Variants in RNF157 observed in about 807,000 individuals in gnomAD.
RNF157 encodes ring finger protein 157.
Under a neutral mutation model 88.3 loss-of-function variants are expected in RNF157, and 55 were observed. The observed-to-expected ratio is 0.62, with a 90% CI of 0.50 to 0.78. The LOEUF is 0.78. RNF157 is among the 30% of genes least tolerant of loss of function. RNF157 has a pLI of 0.00. For missense variants in RNF157, 788 were observed against 860.8 expected (o/e 0.92, Z 1.06); for synonymous variants, 334 against 341.2 (o/e 0.98, Z 0.23).
In RNF157 at chr17:76,161,396, C is replaced by A; in HGVS notation, c.1065+139G>T. On this transcript the variant is annotated intron_variant, in intron 11 of 18. Transcript: ENST00000269391. The surrounding 1 kb of genome is among the most constrained non-coding windows in gnomAD (Gnocchi z 4.6). The stretch of plus-strand genomic sequence containing the variant: ...AGTAATAAGTTGGTTTTAACGCATG[C>A]TCTCAGCCGGCTTGCTAAATACTGC... 1 of 700,818 alleles carries A rather than the reference C, an allele frequency of 1.4e-6. No homozygotes were observed. The highest frequency in any genetic ancestry group is 2.5e-6 in the Non-Finnish European group (1 of 401,824). 43.4% of individuals were successfully genotyped at this position (700,818 alleles called of 1,614,324 possible). A position where few individuals can be genotyped will look rare whatever the true frequency, so the allele number is the denominator to read the frequency against.
chr17:76,155,577 G>T lies in RNF157; in HGVS notation c.1683C>A (p.Pro561=). Residue 561 remains proline, a synonymous_variant, in exon 15 of 19, where the codon CCC becomes CCA. Transcript: ENST00000269391. ...CTTCCCTTACCTCTCCTTCTTCTGA[G>T]GGGGCCCTGCTGGCAGGCTGGGGGG... The part of the protein sequence containing the change: ...LSSPQPASRA[P]SEEGEGLPAE... The T allele has an allele frequency of 6.2e-7, 1 of 1,612,520 alleles. No individual in the cohort carries two copies. The highest frequency in any genetic ancestry group is 8.5e-7 in the Non-Finnish European group (1 of 1,179,560).
In RNF157 at chr17:76,225,780, T is replaced by C. The variant is rs373012762; in HGVS notation, c.89-13298A>G. 39 of 1,547,586 alleles carry C rather than the reference T, an allele frequency of 2.5e-5. No individual in the cohort carries two copies. The East Asian group carries it at 5.4e-4, about 21-fold the overall frequency. On this transcript the variant is annotated intron_variant, in intron 1 of 18. Transcript: ENST00000269391. ...GGGACCCTTTTCTTCCCCCTTGCCT[T>C]GCGGACCTCTTCTATCAAATCTTTC...
At chr17:76,164,109 C>T (rs1331595251) in intron 8 of RNF157, 1 of 152,218 alleles carries the variant, frequency 6.6e-6, no homozygotes, top group Non-Finnish European at 1.5e-5. Context: ...ATGACCTGCC[C>T]CTCACCCACC....
chr17:76,146,933 G>A lies in RNF157; in HGVS notation c.1922-1580C>T, dbSNP rs1242004465. 3.0e-6 allele frequency: 3 copies of A among 985,320 alleles called. No individual in the cohort carries two copies. In the African/African-American group the frequency reaches 5.2e-5, roughly 17 times the overall value. 61.0% of individuals were successfully genotyped at this position (985,320 alleles called of 1,614,324 possible). ...CCTTTAATGGCATGTAGAGTCAACA[G>A]GTATAAATGGCTTATTTCCATCAAT... On this transcript the variant is annotated intron_variant, in intron 18 of 18. Coordinates refer to ENST00000269391, the MANE Select transcript of RNF157 (RefSeq NM_052916.3). The surrounding 1 kb of genome is among the most constrained non-coding windows in gnomAD (Gnocchi z 4.2).
intron 11 of RNF157, 107 bp from the exon 12 acceptor site, chr17:76,159,680 G>C: frequency 2.5e-6 from 2 of 805,398 alleles, no homozygotes; most frequent in East Asian, 2.6e-5. Context: ...TCTGTTCTTG[G>C]GGGGGTCTGG....
At chr17:76,150,098 T>C (rs753931614) in intron 18 of RNF157, among the ~76,000 whole-genome samples, 2 of 152,102 alleles carry the variant, frequency 1.3e-5, no homozygotes, top group Non-Finnish European at 2.9e-5. Flanking sequence ...ACAGAAGCGT[T>C]CCCATTTTTA....
chr17:76,156,572 C>T (rs1040462227), intron 13 of RNF157: 2 of 974,414 alleles, frequency 2.1e-6, no homozygotes, highest in South Asian at 4.7e-5. Context: ...TCTGCTGCGG[C>T]CATACAAAGA....
chr17:76,155,464 G>A, intron 15 of RNF157, 98 bp downstream of exon 15: 1 of 1,497,368 alleles, frequency 6.7e-7, no homozygotes, highest in Non-Finnish European at 9.2e-7. Flanking sequence ...GGCATTTTGG[G>A]GGCTTTGCAG....
At chr17:76,183,156 C>T (rs1049253528) in intron 2 of RNF157, among the ~76,000 whole-genome samples, 7 of 149,998 alleles carry the variant, frequency 4.7e-5, no homozygotes, top group African/African-American at 1.2e-4. Context: ...AGGCTGGTCT[C>T]GAACTCCTGA....
chr17:76,171,761 C>T (rs2069018038), intron 3 of RNF157, among the ~76,000 whole-genome samples: 1 of 152,244 alleles, frequency 6.6e-6, no homozygotes, highest in African/African-American at 2.4e-5. Flanking sequence ...AGCTCAGACA[C>T]TCATTCAAGC....
Position 76,155,584 on chromosome 17 carries a change from C to T in RNF157, c.1676G>A (p.Arg559Lys), listed in dbSNP as rs1453509293. 3.1e-6 allele frequency: 5 copies of T among 1,612,630 alleles called. No individual in the cohort carries two copies. The highest frequency in any genetic ancestry group is 1.7e-5 in the Admixed American group (1 of 59,402). ...EALSSPQPASRAPSEEGEGLP... is the reference protein window; with the variant it reads ...EALSSPQPASKAPSEEGEGLP... Reference sequence around the variant, plus strand: ...TACCTCTCCTTCTTCTGAGGGGGCCCTGCTGGCAGGCTGGGGGGAAGAGAG... The same window carrying T: ...TACCTCTCCTTCTTCTGAGGGGGCCTTGCTGGCAGGCTGGGGGGAAGAGAG... Residue 559 changes from arginine to lysine, a missense_variant, in exon 15 of 19, where the codon AGG (arginine) becomes AAG (lysine). Physicochemically the swap from Arg to Lys is conservative, Grantham distance 26. Transcript: ENST00000269391.
intron 2 of RNF157, among the ~76,000 whole-genome samples, chr17:76,194,246 C>T (rs2069435737): frequency 6.6e-6 from 1 of 152,166 alleles, no homozygotes; most frequent in African/African-American, 2.4e-5. Flanking sequence ...CACCCCAGTC[C>T]CTGGCAACCA....
At chr17:76,152,821 G>T (rs2068701686) in intron 17 of RNF157, among the ~76,000 whole-genome samples, 1 of 152,240 alleles carries the variant, frequency 6.6e-6, no homozygotes, top group Admixed American at 6.5e-5. Flanking sequence ...GCTAGGGAGC[G>T]CCAGTGGGGA....
rs2068590919 is a variant in RNF157 at position 76,146,713 on chromosome 17, C to T, written c.1922-1360G>A. On this transcript the variant is annotated intron_variant, in intron 18 of 18. Coordinates refer to ENST00000269391, the MANE Select transcript of RNF157 (RefSeq NM_052916.3). The surrounding 1 kb of genome is among the most constrained non-coding windows in gnomAD (Gnocchi z 4.2). ...AAACCGCTAGGTCCTGGAGCTCCTC[C>T]ATGGGACAAAGCTCCTCCTGGGCAG... 1.0e-6 allele frequency: 1 copy of T among 985,488 alleles called. No homozygotes were observed. The allele number at this position is 985,488 out of a possible 1,614,324, so 61.0% of individuals were successfully genotyped here.
intron 2 of RNF157, among the ~76,000 whole-genome samples, chr17:76,183,719 G>A (rs1165648402): frequency 6.6e-6 from 1 of 151,498 alleles, no homozygotes; most frequent in African/African-American, 2.4e-5. Flanking sequence ...CTGTAAGGAA[G>A]AGCTGTCCTT....
At chr17:76,197,539 A>G (rs2069498050) in intron 2 of RNF157, among the ~76,000 whole-genome samples, 2 of 152,190 alleles carry the variant, frequency 1.3e-5, no homozygotes, top group African/African-American at 4.8e-5. Context: ...CAGCTATGAT[A>G]GTCAGTAAGC....
chr17:76,225,486 AG>A (rs764688768), intron 1 of RNF157, among the ~76,000 whole-genome samples: 5 of 152,176 alleles, frequency 3.3e-5, no homozygotes, highest in Non-Finnish European at 7.3e-5. Context: ...AAATATGTCC[AG>A]GTCTTCCTGT....
chr17:76,196,638 C>T (rs1003635320), intron 2 of RNF157, among the ~76,000 whole-genome samples: 2 of 152,184 alleles, frequency 1.3e-5, no homozygotes, highest in African/African-American at 4.8e-5. Flanking sequence ...CATGTGCTGG[C>T]GTCCCAACCT....
intron 1 of RNF157, among the ~76,000 whole-genome samples, chr17:76,230,856 AAAAGAGAGAG>A (rs1189202757): frequency 3.6e-5 from 2 of 55,104 alleles, no homozygotes; most frequent in East Asian, 6.0e-4. Flanking sequence ...AAAAAAAAAA[AAAAGAGAGAG>A]AGAGAGAGAG....
Sources: gnomAD v4.1 joint callset for allele counts (sites outside exome capture counted in the v4.1 genomes callset) on GRCh38, gnomAD v4.1.1 for gene constraint, Gnocchi (gnomAD v3.1) non-coding constraint, MANE v1.5 for transcripts, NCBI Gene and HGNC (gene_info 2026-07-23, HGNC 2026-07-21) for gene names.